ATP8B3: variants seen among roughly 807,000 people sequenced by gnomAD.
The protein encoded by ATP8B3 is phospholipid-transporting ATPase IK.
In ATP8B3, 141 loss-of-function variants were observed where a neutral mutation model predicts 140.9. The ratio of observed to expected loss-of-function variants is 1.00; its 90% CI spans 0.87 to 1.15. ATP8B3 has a LOEUF of 1.15. ATP8B3 is among the 50% of genes most tolerant of loss of function. The probability of loss-of-function intolerance (pLI) is 0.00; values close to 1 mark genes in which losing one functional copy is unlikely to be tolerated. For synonymous variants in ATP8B3, 765 were observed against 714.6 expected, an observed-to-expected ratio of 1.07 and a Z score of -1.13; for missense variants, 1,874 against 1,740.6, an observed-to-expected ratio of 1.08 and a Z score of -1.36.
Position 1,789,388 on chromosome 19 carries a change from C to A in ATP8B3, c.2818G>T (p.Gly940Cys), listed in dbSNP as rs2068414917. ...HQVVTLAIGD[G>C]ANDINMIKTA... ...TTGATCATGTTGATGTCGTTGGCAC[C>A]GTCCCCGATGGCCAGGGTCACCACC... The change falls in exon 23 of 29, where the codon GGT becomes TGT. Residue 940 changes from glycine to cysteine, a missense_variant. By Grantham distance (159) the Gly-to-Cys change is radical (BLOSUM62 -3). This residue lies in a region of ATP8B3 where 840 missense variants were observed against 760.9 expected (regional missense o/e 1.10). Transcript: ENST00000310127. 1 of 1,583,216 alleles carries A rather than the reference C, an allele frequency of 6.3e-7. No homozygotes were observed. The highest frequency in any genetic ancestry group is 8.6e-7 in the Non-Finnish European group (1 of 1,168,248).
Position 1,805,085 on chromosome 19 carries a change from C to G in ATP8B3, c.904+289G>C. 1 of 423,684 alleles carries G rather than the reference C, an allele frequency of 2.4e-6. No individual in the cohort carries two copies. Among genetic ancestry groups the G allele is most frequent in the Non-Finnish European group, 4.4e-6 (1 of 224,878 alleles). The allele number at this position is 423,684 out of a possible 1,614,324, so 26.2% of individuals were successfully genotyped here. ...AGCCTCCCTGAGCTCAAGCGAGCCT[C>G]CCACCTCAGCCTCCCAAGTAGCTGG... On this transcript the variant is annotated intron_variant, in intron 10 of 28. Transcript: ENST00000310127. The surrounding 1 kb of genome is among the most constrained non-coding windows in gnomAD (Gnocchi z 5.2).
At chr19:1,792,244 C>T in intron 18 of ATP8B3, 109 bp from the exon 19 acceptor site, 1 of 1,267,964 alleles carries the variant, frequency 7.9e-7, no homozygotes, top group Non-Finnish European at 1.1e-6. Context: ...CAACCAAAAG[C>T]CTGTTGCCTC....
chr19:1,806,308 C>T lies in ATP8B3; in HGVS notation c.678-139G>A. 6 of 1,482,680 alleles carry T rather than the reference C, an allele frequency of 4.0e-6. No homozygotes were observed. The highest frequency in any genetic ancestry group is 1.4e-5 in the African/African-American group (1 of 71,850). 91.8% of individuals were successfully genotyped at this position (1,482,680 alleles called of 1,614,324 possible). On this transcript the variant is annotated intron_variant, in intron 7 of 28. Transcript: ENST00000310127. This position sits in a 1 kb window ranked among gnomAD's most constrained non-coding sequence, Gnocchi z 5.6. The stretch of plus-strand genomic sequence containing the variant: ...GCCTTTGCCCCCTCAGGAAGCCTTC[C>T]CCGGGCTCCCACCCCACTCCCCGCG...
chr19:1,811,810 A>C lies in ATP8B3; in HGVS notation c.-74T>G. On this transcript the variant is annotated 5_prime_UTR_variant, in exon 2 of 29. Transcript: ENST00000310127. ...GTGGGACGGGGGAGAGGTGGGGGAGACCCCCGTGGGGGCAGACTGGGGATT... is the reference window on the plus strand; with the variant it reads ...GTGGGACGGGGGAGAGGTGGGGGAGCCCCCCGTGGGGGCAGACTGGGGATT... 2.1e-6 allele frequency: 3 copies of C among 1,446,946 alleles called. No homozygotes were observed. Among genetic ancestry groups the C allele is most frequent in the East Asian group, 2.4e-5 (1 of 42,354 alleles). 89.6% of individuals were successfully genotyped at this position (1,446,946 alleles called of 1,614,324 possible).
rs1170182513 is a variant in ATP8B3, at chr19:1,794,259, G to A, written c.2055+1616C>T. Among the ~76,000 whole-genome samples, 1 of 152,194 alleles carries A rather than the reference G, an allele frequency of 6.6e-6. No individual in the cohort carries two copies. Among genetic ancestry groups the A allele is most frequent in the Non-Finnish European group, 1.5e-5 (1 of 68,034 alleles). On this transcript the variant is annotated intron_variant, in intron 18 of 28. Transcript: ENST00000310127. This position sits in a 1 kb window ranked among gnomAD's most constrained non-coding sequence, Gnocchi z 4.8. ...CTTGACACAGCAGAGGAGCTTCACG[G>A]ACATTGGCAGCCTCCGACAGGCCTT...
rs917213712 is a variant in ATP8B3, at chr19:1,782,870, T to G, written c.*158A>C. 3.9e-5 allele frequency: 35 copies of G among 905,654 alleles called. No individual in the cohort carries two copies. The highest frequency in any genetic ancestry group is 5.1e-5 in the Admixed American group (2 of 39,032). The allele number at this position is 905,654 out of a possible 1,614,324, so 56.1% of individuals were successfully genotyped here. ...TAGCCTGTTGCTGCTGGTGAGCACA[T>G]ATTTGGGGAGGGCAGGTTGGTTTTC... On this transcript the variant is annotated 3_prime_UTR_variant, in exon 29 of 29. Transcript: ENST00000310127.
intron 10 of ATP8B3, among the ~76,000 whole-genome samples, chr19:1,804,482 C>T (rs2068949045): frequency 6.6e-6 from 1 of 152,200 alleles, no homozygotes; most frequent in Non-Finnish European, 1.5e-5. Flanking sequence ...GTGGCGGGCG[C>T]CTGTAGTCCC....
rs534589639 is a variant in ATP8B3, at chr19:1,810,625, A to G, written c.307T>C (p.Ser103Pro). 6.2e-7 allele frequency: 1 copy of G among 1,612,652 alleles called. No individual in the cohort carries two copies. The highest frequency in any genetic ancestry group is 1.3e-5 in the African/African-American group (1 of 74,960). ...CCCCTCTGCCCAGGATCAGCACCTG[A>G]GTTCCTGTCCTCATCTTGGAGATCT... is the stretch of plus-strand genomic sequence containing the variant. Reference protein sequence around the residue: ...REDLQDEDRNSAFTWKVQANN... With the variant: ...REDLQDEDRNPAFTWKVQANN... Residue 103 changes from serine (S) to proline (P), a missense_variant, in exon 3 of 29, where the codon TCA becomes CCA. Ser to Pro is a moderately conservative substitution (Grantham distance 74). Coordinates refer to ENST00000310127, the MANE Select transcript of ATP8B3 (RefSeq NM_138813.4).
intron 18 of ATP8B3, among the ~76,000 whole-genome samples, chr19:1,793,613 G>A (rs957854084): frequency 7.2e-5 from 11 of 152,242 alleles, no homozygotes; most frequent in African/African-American, 2.4e-4. Flanking sequence ...GGCCCAGAGA[G>A]CAGGCACCCC....
rs1243327749 is a variant in ATP8B3, at chr19:1,794,995, G to A, written c.2055+880C>T. On this transcript the variant is annotated intron_variant, in intron 18 of 28. Coordinates refer to ENST00000310127, the MANE Select transcript of ATP8B3 (RefSeq NM_138813.4). This position sits in a 1 kb window ranked among gnomAD's most constrained non-coding sequence, Gnocchi z 4.8. Reference sequence around the variant, plus strand: ...CCCTTGGCCGGGCGCGGTGGCCTACGCCTGTAATCCCAGCACTTTGAGAGG... The same window carrying A: ...CCCTTGGCCGGGCGCGGTGGCCTACACCTGTAATCCCAGCACTTTGAGAGG... 5.9e-5 allele frequency among the ~76,000 whole-genome samples: 9 copies of A among 152,226 alleles called. No homozygotes were observed. The highest frequency in any genetic ancestry group is 3.3e-4 in the Admixed American group (5 of 15,282).
Position 1,806,012 on chromosome 19 carries a change from G to T in ATP8B3, c.751-54C>A. 2 of 1,609,702 alleles carry T rather than the reference G, an allele frequency of 1.2e-6. No individual in the cohort carries two copies. The highest frequency in any genetic ancestry group is 8.5e-7 in the Non-Finnish European group (1 of 1,178,414). On this transcript the variant is annotated intron_variant, in intron 8 of 28. Transcript: ENST00000310127. This position sits in a 1 kb window ranked among gnomAD's most constrained non-coding sequence, Gnocchi z 5.6. ...AGAGGGGATGCAAGACAAATTGGGG[G>T]TGCGGCAGCCCTCCCCACCCTGGGA...
In ATP8B3 at chr19:1,799,967, C is replaced by T; in HGVS notation, c.1532G>A (p.Cys511Tyr). The T allele has an allele frequency of 6.2e-7, 1 of 1,602,630 alleles. No individual in the cohort carries two copies. The highest frequency in any genetic ancestry group is 2.2e-5 in the East Asian group (1 of 44,524). The change falls in exon 14 of 29, where the codon TGC (cysteine) becomes TAC (tyrosine). Residue 511 changes from cysteine to tyrosine, a missense_variant. Coordinates refer to ENST00000310127, the MANE Select transcript of ATP8B3 (RefSeq NM_138813.4). ...TQNILTFNKC[C>Y]ISGRVYGPDS... ...CGCACCATAGACGCGGCCGCTGATG[C>T]AGCACTTGTTGAAGGTCAAGATGTT...
intron 25 of ATP8B3, among the ~76,000 whole-genome samples, chr19:1,786,321 T>C (rs559522070): frequency 1.3e-5 from 2 of 152,020 alleles, no homozygotes; most frequent in South Asian, 2.1e-4. Flanking sequence ...ATCCCAGCAC[T>C]TGGGGAGGCC....
chr19:1,792,199 C>T, intron 18 of ATP8B3, 64 bp from the exon 19 acceptor site: 1 of 1,471,180 alleles, frequency 6.8e-7, no homozygotes, highest in Non-Finnish European at 9.0e-7. Flanking sequence ...TCAGCCCTCC[C>T]CAACCCCCTG....
chr19:1,795,946 C>T lies in ATP8B3; in HGVS notation c.1984G>A (p.Ala662Thr), dbSNP rs769225269. 49 of 1,613,174 alleles carry T rather than the reference C, an allele frequency of 3.0e-5. No individual in the cohort carries two copies. The highest frequency in any genetic ancestry group is 1.6e-4 in the Middle Eastern group (1 of 6,084). The change falls in exon 18 of 29, where the codon GCC becomes ACC. Residue 662 changes from alanine to threonine, a missense_variant. Physicochemically the swap from Ala to Thr is moderately conservative, Grantham distance 58. Coordinates refer to ENST00000310127, the MANE Select transcript of ATP8B3 (RefSeq NM_138813.4). ...AAGCGTTCGAAGATGACCGTGTCGG[C>T]GCCCTTGGTGTACAGGCAGATGGCG... ...EGAICLYTKGADTVIFERLHR... is the reference protein window; with the variant it reads ...EGAICLYTKGTDTVIFERLHR...
At position 1,788,884 on chromosome 19, in the gene ATP8B3, G is replaced by A; in HGVS notation, c.3069+13C>T. On this transcript the variant is annotated intron_variant, in intron 24 of 28. Transcript: ENST00000310127. Reference sequence around the variant, plus strand: ...AGGCCCTGGTCATGGGGCAGCCAGGGTGGGGGACGCACCTGGCCGGTGAAG... The same window carrying A: ...AGGCCCTGGTCATGGGGCAGCCAGGATGGGGGACGCACCTGGCCGGTGAAG... The A allele has an allele frequency of 1.3e-6, 2 of 1,573,554 alleles. No individual in the cohort carries two copies. Among genetic ancestry groups the A allele is most frequent in the Non-Finnish European group, 1.7e-6 (2 of 1,160,608 alleles).
At chr19:1,793,173 C>T (rs1326451143) in intron 18 of ATP8B3, among the ~76,000 whole-genome samples, 2 of 151,702 alleles carry the variant, frequency 1.3e-5, no homozygotes, top group Non-Finnish European at 2.9e-5. Context: ...TCACTGCAGC[C>T]TCGAACTCCT....
intron 28 of ATP8B3, 78 bp downstream of exon 28, chr19:1,784,741 T>A (rs1479513798): frequency 6.8e-7 from 1 of 1,463,872 alleles, no homozygotes; most frequent in Non-Finnish European, 9.1e-7. Flanking sequence ...CACCTTGCAG[T>A]CCCTACGCCC....
chr19:1,789,861 C>G, intron 22 of ATP8B3, 29 bp downstream of exon 22: 1 of 1,608,358 alleles, frequency 6.2e-7, no homozygotes. Flanking sequence ...GGCGCCGGGA[C>G]CCCGCCGTCC....
Sources: allele counts gnomAD v4.1 joint callset (sites outside exome capture counted in the v4.1 genomes callset), GRCh38; gene constraint gnomAD v4.1.1; regional missense constraint gnomAD v4.1.1; non-coding constraint Gnocchi (gnomAD v3.1); transcripts MANE v1.5; gene names NCBI Gene and HGNC (gene_info 2026-07-23, HGNC 2026-07-21).